TMEM163: variants seen among roughly 807,000 people sequenced by gnomAD.
The protein encoded by TMEM163 is transmembrane protein 163.
A neutral mutation model predicts 29.3 loss-of-function variants in TMEM163; 17 were observed. The observed-to-expected ratio is 0.58, with a 90% CI of 0.40 to 0.87. The LOEUF (loss-of-function observed/expected upper bound fraction) is 0.87, where lower values mean the gene tolerates loss of function less well. Among genes scored for constraint, TMEM163 ranks in the 40% least tolerant of loss-of-function variants. The pLI, the probability that TMEM163 is intolerant of heterozygous loss-of-function variation, is 0.00. For synonymous variants in TMEM163, 157 were observed against 160.6 expected, an observed-to-expected ratio of 0.98 and a Z score of 0.17; for missense variants, 303 against 381.5, an observed-to-expected ratio of 0.79 and a Z score of 1.71.
chr2:134,538,643 C>A (rs1680595019), intron 4 of TMEM163, among the ~76,000 whole-genome samples: 1 of 152,060 alleles, frequency 6.6e-6, no homozygotes. Flanking sequence ...TGGAGTACTG[C>A]CACACCACAC....
At chr2:134,524,930 T>C (rs1034314490) in intron 4 of TMEM163, among the ~76,000 whole-genome samples, 1 of 138,198 alleles carries the variant, frequency 7.2e-6, no homozygotes, top group African/African-American at 2.6e-5. Flanking sequence ...TTCTAGGTCT[T>C]TGAGGAATCA....
chr2:134,539,905 G>C (rs1418268857), intron 4 of TMEM163, among the ~76,000 whole-genome samples: 2 of 152,220 alleles, frequency 1.3e-5, no homozygotes, highest in Non-Finnish European at 2.9e-5. Flanking sequence ...GCCACAAAGG[G>C]AGAAGGCTCT....
rs560577339 is a variant in TMEM163, at chr2:134,683,131, GGA to G, written c.322+30067_322+30068del. ...GAATAGGTGAAAGATGGGATTTTTA[GGA>G]GAGTGAAGATACTCTACATGATACT... is the stretch of plus-strand genomic sequence containing the variant. On this transcript the variant is annotated intron_variant, in intron 2 of 7. Transcript: ENST00000281924. 2.6e-5 allele frequency among the ~76,000 whole-genome samples: 4 copies of G among 152,184 alleles called. No homozygotes were observed. In the South Asian group the frequency reaches 8.3e-4, roughly 32 times the overall value.
At chr2:134,531,715 G>C (rs956360246) in intron 4 of TMEM163, among the ~76,000 whole-genome samples, 3 of 152,182 alleles carry the variant, frequency 2.0e-5, no homozygotes, top group African/African-American at 4.8e-5. Context: ...TGCCCTCTGG[G>C]GTGCACCACC....
chr2:134,555,903 C>T (rs1280223430), intron 2 of TMEM163, among the ~76,000 whole-genome samples: 3 of 152,214 alleles, frequency 2.0e-5, no homozygotes, highest in Non-Finnish European at 4.4e-5. Context: ...TGGGATGACA[C>T]TATTCCCATG....
At chr2:134,611,784 G>A (rs577802422) in intron 2 of TMEM163, among the ~76,000 whole-genome samples, 52 of 147,628 alleles carry the variant, frequency 3.5e-4, no homozygotes, top group African/African-American at 1.4e-3. Flanking sequence ...GAAACCACCC[G>A]GAACACCTGC....
intron 2 of TMEM163, among the ~76,000 whole-genome samples, chr2:134,647,493 A>C (rs942948859): frequency 1.3e-5 from 2 of 152,172 alleles, no homozygotes; most frequent in Admixed American, 6.5e-5. Flanking sequence ...TGGGGTTTGC[A>C]TCTGGACCCT....
chr2:134,648,276 C>T (rs1217608870), intron 2 of TMEM163, among the ~76,000 whole-genome samples: 2 of 130,786 alleles, frequency 1.5e-5, no homozygotes, highest in Non-Finnish European at 3.2e-5. Context: ...CAATGTCCAA[C>T]CATAGTCTCT....
Position 134,682,843 on chromosome 2 carries a change from C to A in TMEM163, c.322+30357G>T, listed in dbSNP as rs1414115836. Among the ~76,000 whole-genome samples, 3 of 152,324 alleles carry A rather than the reference C, an allele frequency of 2.0e-5. No individual in the cohort carries two copies. The East Asian group carries it at 5.8e-4, about 29-fold the overall frequency. On this transcript the variant is annotated intron_variant, in intron 2 of 7. Coordinates refer to ENST00000281924, the MANE Select transcript of TMEM163 (RefSeq NM_030923.5). ...CAGATGTTTATAGCAGCTTTATTCA[C>A]ACTTGCCAAAAACCTGGAAGCAACC... is the stretch of plus-strand genomic sequence containing the variant.
intron 2 of TMEM163, among the ~76,000 whole-genome samples, chr2:134,577,188 A>T (rs1479339834): frequency 6.6e-6 from 1 of 152,136 alleles, no homozygotes; most frequent in South Asian, 2.1e-4. Flanking sequence ...ATATACACAC[A>T]CGTAGACATG....
intron 2 of TMEM163, among the ~76,000 whole-genome samples, chr2:134,568,477 AG>A (rs1681346290): frequency 6.6e-6 from 1 of 151,844 alleles, no homozygotes; most frequent in African/African-American, 2.4e-5. Context: ...CAGTAAGCTG[AG>A]ATAGCACACT....
At chr2:134,462,841 T>C (rs541216651) in intron 6 of TMEM163, among the ~76,000 whole-genome samples, 8 of 152,278 alleles carry the variant, frequency 5.3e-5, no homozygotes, top group African/African-American at 1.9e-4. Context: ...TCAAGTCCCA[T>C]GGTCATGGGC....
At chr2:134,555,429 T>C (rs1681029244) in intron 2 of TMEM163, among the ~76,000 whole-genome samples, 1 of 152,110 alleles carries the variant, frequency 6.6e-6, no homozygotes, top group African/African-American at 2.4e-5. Flanking sequence ...CTGAGTGTAG[T>C]GGAAAGCCAC....
At chr2:134,502,517 G>T (rs553929607) in intron 5 of TMEM163, among the ~76,000 whole-genome samples, 12 of 152,064 alleles carry the variant, frequency 7.9e-5, no homozygotes, top group Admixed American at 7.9e-4. Flanking sequence ...GAGGTGCAAA[G>T]GAAAAAAATA....
chr2:134,680,470 G>T (rs1227805174), intron 2 of TMEM163, among the ~76,000 whole-genome samples: 1 of 151,904 alleles, frequency 6.6e-6, no homozygotes, highest in Non-Finnish European at 1.5e-5. Context: ...ACAAAAAAAC[G>T]AACCTTTAAA....
chr2:134,518,361 A>T (rs545169689), intron 4 of TMEM163, among the ~76,000 whole-genome samples: 11 of 152,234 alleles, frequency 7.2e-5, no homozygotes, highest in Non-Finnish European at 1.0e-4. Flanking sequence ...TAAATAGGCT[A>T]TTGGTTTGTG....
chr2:134,535,616 T>C (rs1427944509), intron 4 of TMEM163, among the ~76,000 whole-genome samples: 1 of 152,188 alleles, frequency 6.6e-6, no homozygotes, highest in Non-Finnish European at 1.5e-5. Flanking sequence ...TGCCTATAGT[T>C]AACAATACAG....
intron 2 of TMEM163, among the ~76,000 whole-genome samples, chr2:134,561,649 T>C (rs1218501689): frequency 6.6e-6 from 1 of 152,184 alleles, no homozygotes; most frequent in Non-Finnish European, 1.5e-5. Context: ...CACTCACACT[T>C]TCCTAACACT....
intron 4 of TMEM163, among the ~76,000 whole-genome samples, chr2:134,546,643 CA>C (rs58851155): frequency 0.05 from 4,205 of 84,334 alleles, 166 homozygotes; most frequent in African/African-American, 0.15. Context: ...GGCTCCATCT[CA>C]AAAAAAAAAA....
Sources: allele counts gnomAD v4.1 joint callset (sites outside exome capture counted in the v4.1 genomes callset), GRCh38; gene constraint gnomAD v4.1.1; transcripts MANE v1.5; gene names NCBI Gene and HGNC (gene_info 2026-07-23, HGNC 2026-07-21).